Variants in COA8 observed in about 807,000 individuals in gnomAD.
The protein encoded by COA8 is cytochrome c oxidase assembly factor 8.
Under a neutral mutation model 22.0 loss-of-function variants are expected in COA8, and 20 were observed. The ratio of observed to expected loss-of-function variants is 0.91; its 90% CI spans 0.64 to 1.32. The LOEUF (loss-of-function observed/expected upper bound fraction) is 1.32, where lower values mean the gene tolerates loss of function less well. COA8 is among the 40% of genes most tolerant of loss of function. The pLI, the probability that COA8 is intolerant of heterozygous loss-of-function variation, is 0.00. For synonymous variants in COA8, 105 were observed against 79.9 expected, an observed-to-expected ratio of 1.31 and a Z score of -1.68; for missense variants, 266 against 230.0, an observed-to-expected ratio of 1.16 and a Z score of -1.01.
At chr14:103,586,159 C>G (rs1480198074) in intron 3 of COA8, among the ~76,000 whole-genome samples, 3 of 149,388 alleles carry the variant, frequency 2.0e-5, no homozygotes, top group African/African-American at 7.4e-5. Flanking sequence ...CCTCAGCCTC[C>G]CAAAGTGCTG....
chr14:103,580,858 G>T (rs1269250607), intron 3 of COA8, among the ~76,000 whole-genome samples: 1 of 144,670 alleles, frequency 6.9e-6, no homozygotes, highest in Admixed American at 7.0e-5. Flanking sequence ...GTGCAGTGGC[G>T]CAATCTCAGC....
chr14:103,569,865 G>GTTT (rs796666657), intron 1 of COA8, among the ~76,000 whole-genome samples: 4 of 151,152 alleles, frequency 2.6e-5, no homozygotes, highest in Non-Finnish European at 5.9e-5. Flanking sequence ...TTGTTTGTTT[G>GTTT]TTTTTTTTTG....
In COA8 at chr14:103,563,099, A is replaced by G; in HGVS notation, c.98A>G (p.Glu33Gly). Residue 33 changes from glutamate (E) to glycine (G), a missense_variant, in exon 1 of 5, where the codon GAG becomes GGG. Physicochemically the swap from Glu to Gly is moderately conservative, Grantham distance 98. Coordinates refer to ENST00000409074, the MANE Select transcript of COA8 (RefSeq NM_001370595.2). ...CAACTCGCTCCGGAGCGCGGCGCCG[A>G]GCGCAGGGATACGGCGCCCAGCGGG... is the stretch of plus-strand genomic sequence containing the variant. ...GCQLAPERGA[E>G]RRDTAPSGVS... 1 of 1,539,464 alleles carries G rather than the reference A, an allele frequency of 6.5e-7. No homozygotes were observed. The highest frequency in any genetic ancestry group is 8.7e-7 in the Non-Finnish European group (1 of 1,147,708).
chr14:103,580,998 C>G (rs1291612984), intron 3 of COA8, among the ~76,000 whole-genome samples: 1 of 151,934 alleles, frequency 6.6e-6, no homozygotes, highest in African/African-American at 2.4e-5. Flanking sequence ...TGGAGTTTCT[C>G]CATTTTGGTC....
chr14:103,563,055 C>T lies in COA8; in HGVS notation c.54C>T (p.Ala18=), dbSNP rs1450846954. Residue 18 remains alanine (A), a synonymous_variant, in exon 1 of 5, where the codon GCC becomes GCT. Transcript: ENST00000409074. ...CCTTTCTCCCCCCTCTCTGCCGCGC[C>T]TTCGCCTGCCGCGGCTGTCAACTCG... ...KKTFLPPLCR[A]FACRGCQLAP... 1.9e-6 allele frequency: 3 copies of T among 1,539,062 alleles called. No individual in the cohort carries two copies. The highest frequency in any genetic ancestry group is 2.6e-6 in the Non-Finnish European group (3 of 1,147,886).
intron 3 of COA8, among the ~76,000 whole-genome samples, chr14:103,580,237 T>A (rs1197511302): frequency 6.8e-6 from 1 of 147,552 alleles, no homozygotes; most frequent in Non-Finnish European, 1.5e-5. Context: ...CCACCATGCC[T>A]CGCTAATTTA....
At chr14:103,568,723 A>G (rs567921929) in intron 1 of COA8, among the ~76,000 whole-genome samples, 16 of 151,632 alleles carry the variant, frequency 1.1e-4, no homozygotes, top group African/African-American at 3.9e-4. Flanking sequence ...TCCGCCTCCC[A>G]GGTTCAAGCA....
chr14:103,587,663 A>C (rs2076319425), intron 4 of COA8, among the ~76,000 whole-genome samples: 1 of 151,574 alleles, frequency 6.6e-6, no homozygotes, highest in Non-Finnish European at 1.5e-5. Context: ...ACCCGCCAGC[A>C]CGCCTGGCTA....
chr14:103,583,435 G>A (rs2076282571), intron 3 of COA8, among the ~76,000 whole-genome samples: 1 of 151,656 alleles, frequency 6.6e-6, no homozygotes. Context: ...CAGCTACTCG[G>A]GAGGCTGAAG....
Position 103,563,186 on chromosome 14 carries a change from G to A in COA8, c.123+62G>A, listed in dbSNP as rs982255526. On this transcript the variant is annotated intron_variant, in intron 1 of 4. Transcript: ENST00000409074. Reference sequence around the variant, plus strand: ...TGACCGGAAGGGAAGACAAACCCGGGCCTCGGGGCCACTCCCTGTTCTGCA... The same window carrying A: ...TGACCGGAAGGGAAGACAAACCCGGACCTCGGGGCCACTCCCTGTTCTGCA... The A allele has an allele frequency of 5.5e-5, 82 of 1,498,540 alleles. No homozygotes were observed. In the East Asian group the frequency reaches 1.4e-3, roughly 25 times the overall value. The allele number at this position is 1,498,540 out of a possible 1,614,324, so 92.8% of individuals were successfully genotyped here. A position where few individuals can be genotyped will look rare whatever the true frequency, so the allele number is the denominator to read the frequency against.
intron 3 of COA8, among the ~76,000 whole-genome samples, chr14:103,582,986 G>C (rs1263722730): frequency 1.3e-5 from 2 of 151,898 alleles, no homozygotes; most frequent in Non-Finnish European, 2.9e-5. Context: ...CAGATAAATG[G>C]AATCATACAA....
intron 1 of COA8, among the ~76,000 whole-genome samples, chr14:103,568,126 C>T (rs756237337): frequency 1.1e-4 from 17 of 152,194 alleles, no homozygotes; most frequent in East Asian, 1.9e-4. Context: ...GAAGCAAGAA[C>T]GCTAAGAGCT....
intron 2 of COA8, among the ~76,000 whole-genome samples, chr14:103,573,473 A>G (rs901864834): frequency 1.3e-5 from 2 of 151,874 alleles, no homozygotes; most frequent in Non-Finnish European, 2.9e-5. Context: ...GCCCGGCAAC[A>G]TTTAAACTTT....
chr14:103,568,652 C>T (rs1191781342), intron 1 of COA8, among the ~76,000 whole-genome samples: 2 of 145,032 alleles, frequency 1.4e-5, no homozygotes, highest in Non-Finnish European at 3.0e-5. Context: ...TATATAGTGA[C>T]AGGGTCTCAC....
intron 3 of COA8, among the ~76,000 whole-genome samples, chr14:103,580,963 ATT>A (rs1252414515): frequency 6.6e-6 from 1 of 151,448 alleles, no homozygotes; most frequent in Non-Finnish European, 1.5e-5. Context: ...CGCCCGGCTA[ATT>A]TTTTTTGTAT....
chr14:103,571,050 T>G (rs536765372), intron 1 of COA8, among the ~76,000 whole-genome samples: 1 of 152,124 alleles, frequency 6.6e-6, no homozygotes, highest in African/African-American at 2.4e-5. Context: ...GCAGGAGTAA[T>G]TGGAGAAGTT....
chr14:103,586,225 C>T (rs1296876783), intron 3 of COA8, among the ~76,000 whole-genome samples: 1 of 56,628 alleles, frequency 1.8e-5, no homozygotes, highest in Non-Finnish European at 3.8e-5. Flanking sequence ...TTTTTTTTAA[C>T]GAGACAGGGT....
chr14:103,580,909 G>A (rs2076263176), intron 3 of COA8, among the ~76,000 whole-genome samples: 1 of 151,168 alleles, frequency 6.6e-6, no homozygotes, highest in Non-Finnish European at 1.5e-5. Context: ...GAATTCTCCT[G>A]CCTCAGCCTC....
chr14:103,575,780 G>A (rs996634021), intron 3 of COA8, among the ~76,000 whole-genome samples: 2 of 152,072 alleles, frequency 1.3e-5, no homozygotes, highest in African/African-American at 2.4e-5. Context: ...GCTTACTGCA[G>A]CCTTGACCTC....
Sources: gnomAD v4.1 joint callset for allele counts (sites outside exome capture counted in the v4.1 genomes callset) on GRCh38, gnomAD v4.1.1 for gene constraint, MANE v1.5 for transcripts, NCBI Gene and HGNC (gene_info 2026-07-23, HGNC 2026-07-21) for gene names.